The following CDK8 variants were observed in gnomAD, a reference collection of about 807,000 sequenced individuals.
The protein encoded by CDK8 is cyclin-dependent kinase 8.
CDK8 carries 29 observed loss-of-function variants against 71.5 expected under a neutral mutation model. The observed-to-expected ratio is 0.41, with a 90% CI of 0.30 to 0.55. The LOEUF is 0.55. Among genes scored for constraint, CDK8 ranks in the 20% least tolerant of loss-of-function variants. CDK8 has a pLI of 0.37. For missense variants in CDK8, 288 were observed against 572.6 expected (o/e 0.50, Z 5.07); for synonymous variants, 161 against 192.1 (o/e 0.84, Z 1.34).
intron 1 of CDK8, among the ~76,000 whole-genome samples, chr13:26,304,926 C>A (rs1408621410): frequency 1.3e-5 from 2 of 152,108 alleles, no homozygotes; most frequent in African/African-American, 4.8e-5. Context: ...CCTCAGCCTC[C>A]CAAACTGCTA....
chr13:26,369,937 GT>G lies in CDK8; in HGVS notation c.457-12876del, dbSNP rs536840417. ...GATGCTCTATAGAACACTGAATTAA[GT>G]GAACATTTTAAAATAAAGTACAAAT... On this transcript the variant is annotated intron_variant, in intron 4 of 12. Coordinates refer to ENST00000381527, the MANE Select transcript of CDK8 (RefSeq NM_001260.3). Among the ~76,000 whole-genome samples, 131 of 152,048 alleles carry G rather than the reference GT, an allele frequency of 8.6e-4. 1 individual carries two copies. The highest frequency in any genetic ancestry group is 3.1e-3 in the African/African-American group (128 of 41,496).
At chr13:26,361,784 C>CTTTTTTTTTTTTTTTTTTTTTTTTT (rs553508554) in intron 4 of CDK8, among the ~76,000 whole-genome samples, 2 of 63,306 alleles carry the variant, frequency 3.2e-5, no homozygotes, top group East Asian at 4.8e-4. Context: ...TTTCTTTTCC[C>CTTTTTTTTTTTTTTTTTTTTTTTTT]TTTTTTTTTT....
intron 4 of CDK8, among the ~76,000 whole-genome samples, chr13:26,362,446 G>A (rs2138013616): frequency 6.6e-6 from 1 of 152,294 alleles, no homozygotes; most frequent in East Asian, 1.9e-4. Flanking sequence ...CTCAGTCAGA[G>A]GCCAAAGGTT....
intron 1 of CDK8, among the ~76,000 whole-genome samples, chr13:26,288,846 G>C (rs1378301878): frequency 6.6e-6 from 1 of 151,950 alleles, no homozygotes; most frequent in Non-Finnish European, 1.5e-5. Flanking sequence ...TGCAACCTCT[G>C]CCTCCTGGGT....
At chr13:26,396,411 G>A (rs1875995885) in intron 8 of CDK8, 57 bp downstream of exon 8, 4 of 690,352 alleles carry the variant, frequency 5.8e-6, no homozygotes, top group South Asian at 4.8e-5. Context: ...AATACTCAGT[G>A]TAAGACTGAA....
At chr13:26,392,396 C>T (rs1014936240) in intron 6 of CDK8, among the ~76,000 whole-genome samples, 3 of 143,656 alleles carry the variant, frequency 2.1e-5, no homozygotes, top group Non-Finnish European at 3.0e-5. Context: ...GGCGCGATCT[C>T]GGCTCACTGC....
intron 1 of CDK8, among the ~76,000 whole-genome samples, chr13:26,325,252 A>T (rs550383524): frequency 9.2e-4 from 140 of 152,330 alleles, no homozygotes; most frequent in African/African-American, 3.2e-3. Context: ...TACATCATTA[A>T]CTAAAAAGTT....
chr13:26,267,173 G>GT (rs146418413), intron 1 of CDK8, among the ~76,000 whole-genome samples: 16,452 of 152,130 alleles, frequency 0.11, 2,636 homozygotes, highest in African/African-American at 0.35. Context: ...TAGTCAACCA[G>GT]TTTTTAGGGA....
chr13:26,267,118 A>G (rs1236184393), intron 1 of CDK8, among the ~76,000 whole-genome samples: 1 of 152,166 alleles, frequency 6.6e-6, no homozygotes, highest in East Asian at 1.9e-4. Context: ...ATTTTTAATT[A>G]TTGCTGAATA....
intron 4 of CDK8, among the ~76,000 whole-genome samples, chr13:26,371,301 G>C (rs1166103983): frequency 1.3e-5 from 2 of 152,130 alleles, no homozygotes; most frequent in African/African-American, 4.8e-5. Flanking sequence ...TGGAGGCTAA[G>C]TTTACATAAC....
At chr13:26,259,970 A>G (rs17083519) in intron 1 of CDK8, among the ~76,000 whole-genome samples, 8,163 of 152,282 alleles carry the variant, frequency 0.054, 260 homozygotes, top group South Asian at 0.069. Flanking sequence ...ACAGAGAAGG[A>G]AGTCCCCAAC....
Position 26,254,783 on chromosome 13 carries a change from T to C in CDK8, c.128+14T>C, listed in dbSNP as rs1410052155. Reference sequence around the variant, plus strand: ...GAGGAAAGATGGGTGAGTGTGTGTGTCTGGGCCGGTGTCCGCGCTGGGCGG... The same window carrying C: ...GAGGAAAGATGGGTGAGTGTGTGTGCCTGGGCCGGTGTCCGCGCTGGGCGG... On this transcript the variant is annotated intron_variant, in intron 1 of 12. Coordinates refer to ENST00000381527, the MANE Select transcript of CDK8 (RefSeq NM_001260.3). The surrounding 1 kb of genome is among the most constrained non-coding windows in gnomAD (Gnocchi z 6.7). 6.2e-7 allele frequency: 1 copy of C among 1,610,536 alleles called. No individual in the cohort carries two copies. Among genetic ancestry groups the C allele is most frequent in the African/African-American group, 1.3e-5 (1 of 74,960 alleles).
chr13:26,261,179 C>T (rs1224125963), intron 1 of CDK8, among the ~76,000 whole-genome samples: 1 of 152,138 alleles, frequency 6.6e-6, no homozygotes, highest in Non-Finnish European at 1.5e-5. Context: ...TCTGAATATT[C>T]TTTAATATAG....
At chr13:26,340,725 A>C (rs1873204348) in intron 2 of CDK8, among the ~76,000 whole-genome samples, 1 of 152,034 alleles carries the variant, frequency 6.6e-6, no homozygotes, top group Admixed American at 6.6e-5. Flanking sequence ...TGTAATTACG[A>C]GGGGGTTCTT....
intron 9 of CDK8, among the ~76,000 whole-genome samples, chr13:26,399,072 T>A (rs774965660): frequency 6.6e-6 from 1 of 151,790 alleles, no homozygotes; most frequent in African/African-American, 2.4e-5. Flanking sequence ...TGCAGTGGTG[T>A]GATCTTGGCT....
rs1409390617 is a variant in CDK8 at position 26,384,644 on chromosome 13, G to C, written c.515-567G>C. 2.0e-5 allele frequency among the ~76,000 whole-genome samples: 3 copies of C among 152,138 alleles called. No homozygotes were observed. The East Asian group carries it at 5.8e-4, about 29-fold the overall frequency. On this transcript the variant is annotated intron_variant, in intron 5 of 12. Transcript: ENST00000381527. ...TAACTTCTTGAACCATATTCATCTG[G>C]AGAAGGAGGTGATTTAATCAGATGA...
chr13:26,263,974 C>G (rs908421711), intron 1 of CDK8, among the ~76,000 whole-genome samples: 2 of 151,936 alleles, frequency 1.3e-5, no homozygotes, highest in Non-Finnish European at 2.9e-5. Context: ...GTCTTGATCT[C>G]CTGACCTCGT....
At chr13:26,320,026 G>A (rs935488640) in intron 1 of CDK8, among the ~76,000 whole-genome samples, 1 of 152,066 alleles carries the variant, frequency 6.6e-6, no homozygotes, top group South Asian at 2.1e-4. Flanking sequence ...ACATTCAAAA[G>A]AATGAAGTTG....
At chr13:26,402,998 T>C (rs1028048192) in intron 12 of CDK8, among the ~76,000 whole-genome samples, 1 of 152,224 alleles carries the variant, frequency 6.6e-6, no homozygotes, top group African/African-American at 2.4e-5. Context: ...ACAGAAGTAA[T>C]AAGTTCTGGT....
Sources: allele counts gnomAD v4.1 joint callset (sites outside exome capture counted in the v4.1 genomes callset), GRCh38; gene constraint gnomAD v4.1.1; non-coding constraint Gnocchi (gnomAD v3.1); transcripts MANE v1.5; gene names NCBI Gene and HGNC (gene_info 2026-07-23, HGNC 2026-07-21).